RSPH14: variants seen among roughly 807,000 people sequenced by gnomAD.
RSPH14 encodes radial spoke head 14 homolog.
A neutral mutation model predicts 26.7 loss-of-function variants in RSPH14; 20 were observed. The observed-to-expected ratio is 0.75, with a 90% CI of 0.53 to 1.09. The LOEUF (loss-of-function observed/expected upper bound fraction) is 1.09, where lower values mean the gene tolerates loss of function less well. RSPH14 is among the 50% of genes least tolerant of loss of function. The pLI, the probability that RSPH14 is intolerant of heterozygous loss-of-function variation, is 0.00. For missense variants in RSPH14, 449 were observed against 457.2 expected, an observed-to-expected ratio of 0.98 and a Z score of 0.16; for synonymous variants, 177 against 189.3, an observed-to-expected ratio of 0.93 and a Z score of 0.53.
chr22:23,126,234 A>G (rs981888529), intron 4 of RSPH14, among the ~76,000 whole-genome samples: 1 of 152,228 alleles, frequency 6.6e-6, no homozygotes, highest in Admixed American at 6.5e-5. Context: ...CAAAGATCAG[A>G]GGAGGCCTTC....
intron 4 of RSPH14, among the ~76,000 whole-genome samples, chr22:23,077,241 C>G (rs2068531395): frequency 6.6e-6 from 1 of 152,140 alleles, no homozygotes; most frequent in South Asian, 2.1e-4. Context: ...CTGATGCTAA[C>G]CCCTTATTGG....
rs1461978446 is a variant in RSPH14, at chr22:23,071,536, G to T, written c.422-7403C>A. On this transcript the variant is annotated intron_variant, in intron 4 of 6. Transcript: ENST00000216036. This position sits in a 1 kb window ranked among gnomAD's most constrained non-coding sequence, Gnocchi z 4.1. ...CCTGGGGATTGAGCTCTCTGGAGAAGGCTCCTTGGCCAAATTCAATTAAGC... is the reference window on the plus strand; with the variant it reads ...CCTGGGGATTGAGCTCTCTGGAGAATGCTCCTTGGCCAAATTCAATTAAGC... Among the ~76,000 whole-genome samples, 1 of 152,208 alleles carries T rather than the reference G, an allele frequency of 6.6e-6. No individual in the cohort carries two copies. The highest frequency in any genetic ancestry group is 1.5e-5 in the Non-Finnish European group (1 of 68,034).
chr22:23,123,773 T>TG, intron 4 of RSPH14: 1 of 303,030 alleles, frequency 3.3e-6, no homozygotes, highest in Non-Finnish European at 6.2e-6. Flanking sequence ...CCACTCCACT[T>TG]GGGGGTCTGC....
At chr22:23,161,438 C>T in the RSPH14 span, 2 of 1,421,964 alleles carry the variant, frequency 1.4e-6, no homozygotes, top group Admixed American at 3.5e-5. Context: ...GCCGGCATCC[C>T]CTGCCCAGTG....
chr22:23,097,489 G>T (rs1435856826), intron 4 of RSPH14, among the ~76,000 whole-genome samples: 1 of 152,204 alleles, frequency 6.6e-6, no homozygotes, highest in African/African-American at 2.4e-5. Context: ...AGGCGGGCTT[G>T]CCTCCCTCCC....
chr22:23,137,681 T>A, intron 3 of RSPH14: 1 of 512,002 alleles, frequency 2.0e-6, no homozygotes, highest in Non-Finnish European at 3.5e-6. Context: ...TGTCTTTTCT[T>A]CCTTCTGGGC....
Position 23,071,701 on chromosome 22 carries a change from C to T in RSPH14, c.422-7568G>A, listed in dbSNP as rs1256758021. Among the ~76,000 whole-genome samples, 5 of 152,214 alleles carry T rather than the reference C, an allele frequency of 3.3e-5. No homozygotes were observed. The highest frequency in any genetic ancestry group is 1.2e-4 in the African/African-American group (5 of 41,454). The stretch of plus-strand genomic sequence containing the variant: ...CTACTCGACCAACCCCGCTTGAGTG[C>T]AGGTGCAGGGGCCTCGGGAGGGACC... On this transcript the variant is annotated intron_variant, in intron 4 of 6. Transcript: ENST00000216036. The surrounding 1 kb of genome is among the most constrained non-coding windows in gnomAD (Gnocchi z 4.1).
At chr22:23,173,638 T>G in the RSPH14 span, among the ~76,000 whole-genome samples, 1 of 147,418 alleles carries the variant, frequency 6.8e-6, no homozygotes, top group African/African-American at 2.5e-5. Flanking sequence ...TGTTTTTTGT[T>G]TTTTTTTTTT....
At chr22:23,145,155 C>G, upstream of RSPH14, 1 of 594,074 alleles carries the variant, frequency 1.7e-6, no homozygotes, top group Non-Finnish European at 3.0e-6. Flanking sequence ...CCCAACCTCT[C>G]CCAGCCGAGC....
intron 4 of RSPH14, among the ~76,000 whole-genome samples, chr22:23,065,395 C>A (rs1018691153): frequency 1.3e-5 from 2 of 152,052 alleles, no homozygotes; most frequent in African/African-American, 2.4e-5. Context: ...TTCCAGTGCC[C>A]CTGGCCAGCT....
chr22:23,109,791 G>A (rs1490913681), intron 4 of RSPH14, among the ~76,000 whole-genome samples: 1 of 152,208 alleles, frequency 6.6e-6, no homozygotes, highest in Non-Finnish European at 1.5e-5. Context: ...TGGGAGTGGT[G>A]GTTGCCCTGC....
At chr22:23,072,998 C>T (rs558065609) in intron 4 of RSPH14, among the ~76,000 whole-genome samples, 3 of 152,336 alleles carry the variant, frequency 2.0e-5, no homozygotes, top group African/African-American at 4.8e-5. Context: ...GACAGGAATG[C>T]TGAATATAGC....
chr22:23,175,000 A>ATT, the RSPH14 span, among the ~76,000 whole-genome samples: 1 of 144,836 alleles, frequency 6.9e-6, no homozygotes. Context: ...TAAAAAAAAA[A>ATT]TTTTTTTTTT....
chr22:23,123,258 G>A (rs995670740), intron 4 of RSPH14: 1 of 1,614,096 alleles, frequency 6.2e-7, no homozygotes, highest in South Asian at 1.1e-5. Flanking sequence ...CACGTACGAG[G>A]AGGCCGCTGT....
intron 4 of RSPH14, among the ~76,000 whole-genome samples, chr22:23,093,064 G>C (rs2146307770): frequency 6.6e-6 from 1 of 152,356 alleles, no homozygotes; most frequent in African/African-American, 2.4e-5. Flanking sequence ...AGCAGCCACA[G>C]GGTCTCCATC....
At chr22:23,153,646 C>T in the RSPH14 span, 1 of 983,342 alleles carries the variant, frequency 1.0e-6, no homozygotes. Flanking sequence ...CCTCACACTG[C>T]AGCCTTCACT....
chr22:23,110,588 C>T (rs2069616923), intron 4 of RSPH14, among the ~76,000 whole-genome samples: 1 of 152,268 alleles, frequency 6.6e-6, no homozygotes, highest in African/African-American at 2.4e-5. Flanking sequence ...AGCAGATGGG[C>T]AGTAGACAGT....
At chr22:23,099,953 G>T (rs927610571) in intron 4 of RSPH14, among the ~76,000 whole-genome samples, 1 of 152,226 alleles carries the variant, frequency 6.6e-6, no homozygotes, top group Non-Finnish European at 1.5e-5. Context: ...GCCACCAAAT[G>T]GTGTGGGATC....
upstream of RSPH14, chr22:23,146,775 G>A (rs905699139): frequency 3.9e-5 from 60 of 1,522,512 alleles, no homozygotes; most frequent in African/African-American, 4.6e-4. Context: ...AGTAAAGCAG[G>A]TGAATCAAGG....
Sources: allele counts gnomAD v4.1 joint callset (sites outside exome capture counted in the v4.1 genomes callset), GRCh38; gene constraint gnomAD v4.1.1; non-coding constraint Gnocchi (gnomAD v3.1); transcripts MANE v1.5; gene names NCBI Gene and HGNC (gene_info 2026-07-23, HGNC 2026-07-21).